The following MCPH1 variants were observed in gnomAD, a reference collection of about 807,000 sequenced individuals.
MCPH1 encodes the protein microcephalin 1.
A neutral mutation model predicts 84.5 loss-of-function variants in MCPH1; 104 were observed. The ratio of observed to expected loss-of-function variants is 1.23; its 90% CI spans 1.05 to 1.45. The LOEUF (loss-of-function observed/expected upper bound fraction) is 1.45. Ranked by LOEUF, MCPH1 falls within the 40% of genes most tolerant of loss-of-function variation. MCPH1 has a pLI of 0.00. For synonymous variants in MCPH1, 514 were observed against 366.8 expected (o/e 1.40, Z -4.58); for missense variants, 1,498 against 1,005.7 (o/e 1.49, Z -6.62).
At chr8:6,634,348 A>G (rs2129582607) in intron 13 of MCPH1, among the ~76,000 whole-genome samples, 1 of 152,342 alleles carries the variant, frequency 6.6e-6, no homozygotes, top group South Asian at 2.1e-4. Flanking sequence ...GTTTGCCAAG[A>G]TTATCGCTAA....
chr8:6,521,445 T>C, intron 12 of MCPH1: 2 of 1,394,726 alleles, frequency 1.4e-6, no homozygotes, highest in Non-Finnish European at 2.0e-6. Flanking sequence ...TAGTGAAGGC[T>C]ATTCTAATGA....
rs1401112399 is a variant in MCPH1, at chr8:6,621,545, GC to G, written c.2312del (p.Pro771GlnfsTer8). ...QPAMFVSPAS[S>X]PPVAKLCELV... ...GCGATGTTTGTCTCGCCTGCCAGCA[GC>G]CCCCCAGTGGCCAAGCTCTGTGAAC... On this transcript the variant is annotated frameshift_variant, in exon 13 of 14. Transcript: ENST00000344683. LOFTEE classifies it high-confidence loss of function. 1 of 1,614,156 alleles carries G rather than the reference GC, an allele frequency of 6.2e-7. No homozygotes were observed. Among genetic ancestry groups the G allele is most frequent in the South Asian group, 1.1e-5 (1 of 91,082 alleles).
intron 12 of MCPH1, among the ~76,000 whole-genome samples, chr8:6,510,568 C>T (rs1814846594): frequency 6.6e-6 from 1 of 152,206 alleles, no homozygotes; most frequent in Non-Finnish European, 1.5e-5. Flanking sequence ...TGCTTATAAC[C>T]ACCTGCAGTG....
intron 12 of MCPH1, among the ~76,000 whole-genome samples, chr8:6,570,815 T>G (rs1478248380): frequency 2.7e-5 from 4 of 150,884 alleles, no homozygotes; most frequent in South Asian, 2.1e-4. Context: ...TTTTTTTTTT[T>G]TTTTTTTTTT....
At chr8:6,474,350 C>G in intron 9 of MCPH1, 1 of 412,958 alleles carries the variant, frequency 2.4e-6, no homozygotes, top group Non-Finnish European at 4.5e-6. Context: ...GTTTCTATCA[C>G]CAAGTCAGAA....
chr8:6,576,682 ATTTTTTT>A (rs58486084), intron 12 of MCPH1, among the ~76,000 whole-genome samples: 7 of 42,344 alleles, frequency 1.7e-4, no homozygotes, highest in African/African-American at 4.4e-4. Context: ...TAATTTTTGT[ATTTTTTT>A]TTTTTTTTTT....
intron 13 of MCPH1, among the ~76,000 whole-genome samples, chr8:6,627,470 C>A (rs548550584): frequency 1.3e-5 from 2 of 152,288 alleles, no homozygotes; most frequent in Admixed American, 1.3e-4. Context: ...ACAATTCAGA[C>A]AATATGAAGA....
intron 9 of MCPH1, among the ~76,000 whole-genome samples, chr8:6,471,936 G>T (rs772036447): frequency 6.6e-6 from 1 of 152,134 alleles, no homozygotes; most frequent in East Asian, 1.9e-4. Flanking sequence ...TATGGTTCTC[G>T]TATTACTGAT....
At chr8:6,520,835 C>T (rs1238625667) in intron 12 of MCPH1, among the ~76,000 whole-genome samples, 1 of 152,142 alleles carries the variant, frequency 6.6e-6, no homozygotes, top group Non-Finnish European at 1.5e-5. Flanking sequence ...AATGGCCATC[C>T]CATGGGTCTG....
At chr8:6,485,528 T>TAA (rs142329361) in intron 11 of MCPH1, among the ~76,000 whole-genome samples, 3 of 149,550 alleles carry the variant, frequency 2.0e-5, no homozygotes, top group African/African-American at 4.9e-5. Flanking sequence ...TTTTCTATCT[T>TAA]AAAAAAAAAA....
At chr8:6,478,406 C>T (rs777952864) in intron 10 of MCPH1, among the ~76,000 whole-genome samples, 1 of 152,144 alleles carries the variant, frequency 6.6e-6, no homozygotes. Context: ...TAGTCTAATA[C>T]AGAAGCGAAT....
intron 12 of MCPH1, among the ~76,000 whole-genome samples, chr8:6,597,286 G>A (rs974565137): frequency 3.3e-5 from 5 of 152,192 alleles, no homozygotes; most frequent in Admixed American, 1.3e-4. Flanking sequence ...GGAGCCAATG[G>A]TGAAAGCAGG....
At chr8:6,489,924 G>C (rs1810375730) in intron 11 of MCPH1, among the ~76,000 whole-genome samples, 1 of 152,204 alleles carries the variant, frequency 6.6e-6, no homozygotes, top group Admixed American at 6.5e-5. Context: ...AAATGGATAA[G>C]GCTAAAAACC....
chr8:6,431,423 C>G, intron 3 of MCPH1, 76 bp from the exon 4 acceptor site: 1 of 1,068,440 alleles, frequency 9.4e-7, no homozygotes, highest in Non-Finnish European at 1.4e-6. Flanking sequence ...ATTGCTAATA[C>G]ATGTGCAGAT....
intron 12 of MCPH1, among the ~76,000 whole-genome samples, chr8:6,575,482 C>T (rs1193311447): frequency 6.6e-6 from 1 of 152,158 alleles, no homozygotes; most frequent in Non-Finnish European, 1.5e-5. Context: ...TAAAAAGGTC[C>T]TACGTGGTGT....
chr8:6,540,821 C>G lies in MCPH1; in HGVS notation c.2214+40892C>G, dbSNP rs147231352. Among the ~76,000 whole-genome samples the G allele has an allele frequency of 2.2e-3, 340 of 152,356 alleles. 3 individuals are homozygous for G. Among genetic ancestry groups the G allele is most frequent in the African/African-American group, 7.9e-3 (327 of 41,592 alleles). On this transcript the variant is annotated intron_variant, in intron 12 of 13. Transcript: ENST00000344683. ...AGCCATGCCGAACAGGCGCGGGAGG[C>G]AGGGGCGCCGCAGGGTGGTTCGCAC...
intron 12 of MCPH1, among the ~76,000 whole-genome samples, chr8:6,604,088 T>C (rs1403831901): frequency 6.6e-6 from 1 of 152,018 alleles, no homozygotes; most frequent in Non-Finnish European, 1.5e-5. Context: ...CACACTCTGC[T>C]GGTGGCCTCT....
chr8:6,512,407 G>C (rs544436219), intron 12 of MCPH1, among the ~76,000 whole-genome samples: 1 of 152,262 alleles, frequency 6.6e-6, no homozygotes, highest in South Asian at 2.1e-4. Flanking sequence ...ATGAGATGAA[G>C]ACGAGACTGT....
intron 5 of MCPH1, among the ~76,000 whole-genome samples, chr8:6,437,553 A>T (rs908540520): frequency 6.6e-6 from 1 of 152,194 alleles, no homozygotes; most frequent in East Asian, 1.9e-4. Flanking sequence ...ATCTGTGACG[A>T]TAATGCGACA....
Sources: allele counts gnomAD v4.1 joint callset (sites outside exome capture counted in the v4.1 genomes callset), GRCh38; gene constraint gnomAD v4.1.1; transcripts MANE v1.5; gene names NCBI Gene and HGNC (gene_info 2026-07-23, HGNC 2026-07-21).